Variants in TTC17 observed in about 807,000 individuals in gnomAD.
TTC17 encodes the protein tetratricopeptide repeat domain 17.
A neutral mutation model predicts 143.8 loss-of-function variants in TTC17; 58 were observed. That is an observed-to-expected ratio of 0.40 (90% CI 0.33 to 0.50). TTC17 has a LOEUF of 0.50. Among genes scored for constraint, TTC17 ranks in the 20% least tolerant of loss-of-function variants. The pLI, the probability that TTC17 is intolerant of heterozygous loss-of-function variation, is 0.49. For synonymous variants in TTC17, 501 were observed against 497.8 expected (o/e 1.01, Z -0.09); for missense variants, 1,273 against 1,392.5 (o/e 0.91, Z 1.37).
intron 16 of TTC17, among the ~76,000 whole-genome samples, chr11:43,442,042 T>C (rs759009720): frequency 1.3e-5 from 2 of 152,208 alleles, no homozygotes; most frequent in Non-Finnish European, 2.9e-5. Context: ...TGGTATAGCC[T>C]ACTGCACTCC....
intron 18 of TTC17, chr11:43,446,239 G>A (rs1200696981): frequency 2.7e-5 from 31 of 1,157,348 alleles, no homozygotes; most frequent in South Asian, 1.2e-4. Flanking sequence ...GCCCTCTGCC[G>A]TGCTAAAATA....
chr11:43,422,974 A>G (rs559193814), intron 16 of TTC17, among the ~76,000 whole-genome samples: 1 of 152,332 alleles, frequency 6.6e-6, no homozygotes, highest in South Asian at 2.1e-4. Context: ...AAAATTGAAG[A>G]TGCAGCTTAG....
chr11:43,424,771 A>T (rs556651687), intron 16 of TTC17, among the ~76,000 whole-genome samples: 1 of 152,308 alleles, frequency 6.6e-6, no homozygotes, highest in African/African-American at 2.4e-5. Context: ...ATCTAAAAAA[A>T]GAAACATGAA....
chr11:43,418,983 G>A (rs1231502587), intron 16 of TTC17, among the ~76,000 whole-genome samples: 10 of 151,966 alleles, frequency 6.6e-5, no homozygotes, highest in Admixed American at 6.6e-4. Context: ...ATTTTTAATG[G>A]TCTATATTTA....
intron 2 of TTC17, among the ~76,000 whole-genome samples, chr11:43,386,884 T>C (rs1318839618): frequency 1.3e-5 from 2 of 152,106 alleles, no homozygotes; most frequent in Non-Finnish European, 2.9e-5. Context: ...TTGCCTGGGC[T>C]CAAGCAGTCC....
intron 21 of TTC17, among the ~76,000 whole-genome samples, chr11:43,487,826 C>T (rs1029238964): frequency 8.5e-5 from 13 of 152,224 alleles, no homozygotes; most frequent in Admixed American, 7.2e-4. Flanking sequence ...CCTCTCTCTT[C>T]GGCTTGCAGT....
At chr11:43,367,531 T>C (rs1169751570) in intron 1 of TTC17, among the ~76,000 whole-genome samples, 4 of 152,144 alleles carry the variant, frequency 2.6e-5, no homozygotes, top group African/African-American at 9.7e-5. Flanking sequence ...AGTTTAGAAG[T>C]CACTCTGGTG....
intron 5 of TTC17, among the ~76,000 whole-genome samples, chr11:43,395,671 A>C (rs1177276750): frequency 3.3e-5 from 5 of 152,192 alleles, no homozygotes; most frequent in African/African-American, 1.2e-4. Context: ...TTGAAGATAG[A>C]ATACTTAAGG....
At position 43,481,890 on chromosome 11, in the gene TTC17, G is replaced by C. The variant is rs1306172548; in HGVS notation, c.3031-8349G>C. Among the ~76,000 whole-genome samples the C allele has an allele frequency of 3.3e-5, 5 of 151,974 alleles. No homozygotes were observed. The South Asian group carries it at 8.3e-4, about 25-fold the overall frequency. On this transcript the variant is annotated intron_variant, in intron 21 of 23. Transcript: ENST00000039989. ...AGTGGTGCGATCTCAGCTCAGTGCA[G>C]CCTCTGCCTCCTGGGTTCAAGTGAT... is the stretch of plus-strand genomic sequence containing the variant.
chr11:43,415,845 A>G (rs758852116), intron 16 of TTC17, among the ~76,000 whole-genome samples: 17 of 152,324 alleles, frequency 1.1e-4, no homozygotes, highest in Non-Finnish European at 2.1e-4. Context: ...GTTGTGGGTC[A>G]GTGTTGATCA....
In TTC17 at chr11:43,397,022, A is replaced by G. The variant is rs200327120; in HGVS notation, c.773+204A>G. On this transcript the variant is annotated intron_variant, in intron 6 of 23. Coordinates refer to ENST00000039989, the MANE Select transcript of TTC17 (RefSeq NM_018259.6). ...GTGATAATTGTGTAATATACTTTCC[A>G]TTTCCATTAAGGAAAAAATATGTAG... 5.4e-4 allele frequency: 255 copies of G among 468,810 alleles called. 1 individual carries two copies. The East Asian group carries it at 7.6e-3, about 14-fold the overall frequency. The allele number at this position is 468,810 out of a possible 1,614,324, so 29.0% of individuals were successfully genotyped here.
At chr11:43,486,310 C>A (rs1481190836) in intron 21 of TTC17, 2 of 310,086 alleles carry the variant, frequency 6.4e-6, no homozygotes, top group African/African-American at 4.2e-5. Flanking sequence ...TGCTGTTGGG[C>A]TCAGTCCACA....
At chr11:43,460,533 A>G (rs1262489777) in intron 21 of TTC17, among the ~76,000 whole-genome samples, 1 of 152,200 alleles carries the variant, frequency 6.6e-6, no homozygotes, top group Admixed American at 6.5e-5. Context: ...AGTTTCTGTC[A>G]TGGCAATGCC....
chr11:43,442,771 A>G (rs1251367885), intron 16 of TTC17, among the ~76,000 whole-genome samples: 1 of 152,198 alleles, frequency 6.6e-6, no homozygotes, highest in East Asian at 1.9e-4. Context: ...CTTGGTAATC[A>G]TTTTAGAAAG....
At chr11:43,443,666 T>C (rs1200610411) in intron 17 of TTC17, 82 bp downstream of exon 17, 3 of 1,514,960 alleles carry the variant, frequency 2.0e-6, no homozygotes, top group African/African-American at 1.4e-5. Flanking sequence ...GAAGTTTCTG[T>C]TGGATATGTG....
chr11:43,383,915 C>T (rs1243831491), intron 2 of TTC17, among the ~76,000 whole-genome samples: 1 of 151,826 alleles, frequency 6.6e-6, no homozygotes, highest in Non-Finnish European at 1.5e-5. Context: ...ACCTGTAATC[C>T]TAGTACTTTG....
At chr11:43,410,099 C>G (rs1300009341) in intron 15 of TTC17, among the ~76,000 whole-genome samples, 1 of 152,074 alleles carries the variant, frequency 6.6e-6, no homozygotes, top group Non-Finnish European at 1.5e-5. Context: ...GTGATCCGCC[C>G]GCCTTGACCT....
chr11:43,361,479 A>G (rs572113662), intron 1 of TTC17, among the ~76,000 whole-genome samples: 4 of 152,358 alleles, frequency 2.6e-5, no homozygotes, highest in South Asian at 4.1e-4. Context: ...CGTGCTCACA[A>G]TACTTACATT....
intron 10 of TTC17, among the ~76,000 whole-genome samples, chr11:43,403,167 A>G (rs924193955): frequency 2.3e-4 from 35 of 152,184 alleles, no homozygotes; most frequent in African/African-American, 8.4e-4. Flanking sequence ...ATGTTTAGAA[A>G]TGAAATAGAT....
Sources: allele counts gnomAD v4.1 joint callset (sites outside exome capture counted in the v4.1 genomes callset), GRCh38; gene constraint gnomAD v4.1.1; transcripts MANE v1.5; gene names NCBI Gene and HGNC (gene_info 2026-07-23, HGNC 2026-07-21).